Variants in TULP4 observed in about 807,000 individuals in gnomAD.
The protein encoded by TULP4 is TUB like protein 4.
TULP4 carries 16 observed loss-of-function variants against 129.0 expected under a neutral mutation model. The observed-to-expected ratio is 0.12, with a 90% CI of 0.08 to 0.19. The LOEUF is 0.19. TULP4 is among the 10% of genes least tolerant of loss of function. TULP4 has a pLI of 1.00. For synonymous variants in TULP4, 998 were observed against 854.0 expected (o/e 1.17, Z -2.94); for missense variants, 1,842 against 2,059.1 (o/e 0.89, Z 2.04).
intron 1 of TULP4, among the ~76,000 whole-genome samples, chr6:158,365,292 G>A (rs1411492292): frequency 1.3e-5 from 2 of 151,212 alleles, no homozygotes; most frequent in Admixed American, 6.6e-5. Flanking sequence ...TAATTCTCTC[G>A]TTTACTGTGC....
intron 1 of TULP4, among the ~76,000 whole-genome samples, chr6:158,365,508 G>A (rs888209058): frequency 2.2e-4 from 28 of 129,238 alleles, no homozygotes; most frequent in Admixed American, 4.4e-4. Context: ...ACAGAGTCTT[G>A]CTCTGTTGCC....
intron 1 of TULP4, among the ~76,000 whole-genome samples, chr6:158,273,015 C>G (rs1438764464): frequency 2.6e-5 from 4 of 152,064 alleles, no homozygotes; most frequent in African/African-American, 9.7e-5. Context: ...AAGTGAAGGC[C>G]CTTGTTGAGG....
At position 158,489,729 on chromosome 6, in the gene TULP4, C is replaced by T. The variant is rs1161215196; in HGVS notation, c.1628C>T (p.Pro543Leu). 2 of 1,614,100 alleles carry T rather than the reference C, an allele frequency of 1.2e-6. No homozygotes were observed. The highest frequency in any genetic ancestry group is 3.3e-5 in the Admixed American group (2 of 60,000). ...ISRASKSPKLPRISIEARKSP... is the reference protein window; with the variant it reads ...ISRASKSPKLLRISIEARKSP... ...AGAGCTAGCAAATCACCCAAACTCC[C>T]AAGGTAATCTCAGTCTTTGGGGAGA... The change falls in exon 9 of 14, where the codon CCA becomes CTA. Residue 543 changes from proline (P) to leucine (L), a missense_variant. Coordinates refer to ENST00000367097, the MANE Select transcript of TULP4 (RefSeq NM_020245.5).
At chr6:158,442,667 T>G (rs1036702073) in intron 3 of TULP4, among the ~76,000 whole-genome samples, 3 of 152,134 alleles carry the variant, frequency 2.0e-5, no homozygotes, top group Non-Finnish European at 4.4e-5. Context: ...AAATGTATTT[T>G]TAATGGTATA....
chr6:158,504,340 CTG>C (rs1168787061), intron 13 of TULP4, among the ~76,000 whole-genome samples, 162 bp downstream of exon 13: 1 of 149,610 alleles, frequency 6.7e-6, no homozygotes, highest in Non-Finnish European at 1.5e-5. Flanking sequence ...GTGCCCACTG[CTG>C]TCTTGTATTT....
In TULP4 at chr6:158,368,688, C is replaced by G. The variant is rs1383542121; in HGVS notation, c.253-44377C>G. ...AAAAGAGGAATGGATCCTCACAGAT[C>G]CATCCCAGTTATGAAAGCAATTTCA... is the stretch of plus-strand genomic sequence containing the variant. On this transcript the variant is annotated intron_variant, in intron 1 of 13. Transcript: ENST00000367097. Among the ~76,000 whole-genome samples, 3 of 152,152 alleles carry G rather than the reference C, an allele frequency of 2.0e-5. No individual in the cohort carries two copies. The East Asian group carries it at 5.8e-4, about 29-fold the overall frequency.
intron 11 of TULP4, among the ~76,000 whole-genome samples, chr6:158,495,519 A>C (rs1263851096): frequency 1.3e-5 from 2 of 152,220 alleles, no homozygotes; most frequent in African/African-American, 2.4e-5. Flanking sequence ...CTCCTGAAGA[A>C]AGTGGAGAAG....
In TULP4 at chr6:158,502,287, C is replaced by T. The variant is rs753648417; in HGVS notation, c.2624C>T (p.Thr875Met). ...LKKGDFSLYP[T>M]SVHYQTPLGY... Reference sequence around the variant, plus strand: ...AAGGGCGACTTCTCCCTCTACCCCACGTCAGTGCACTACCAGACCCCCCTG... The same window carrying T: ...AAGGGCGACTTCTCCCTCTACCCCATGTCAGTGCACTACCAGACCCCCCTG... The change falls in exon 13 of 14, where the codon ACG (threonine) becomes ATG (methionine). Residue 875 changes from threonine to methionine, a missense_variant. Around this residue, in one of 5 missense-constraint regions of TULP4, gnomAD observed 1,089 missense variants for 987.1 expected, o/e 1.10. Coordinates refer to ENST00000367097, the MANE Select transcript of TULP4 (RefSeq NM_020245.5). 107 of 1,612,816 alleles carry T rather than the reference C, an allele frequency of 6.6e-5. No individual in the cohort carries two copies. In the Admixed American group the frequency reaches 8.0e-4, roughly 12 times the overall value.
intron 1 of TULP4, among the ~76,000 whole-genome samples, chr6:158,294,021 T>G (rs1778987938): frequency 6.6e-6 from 1 of 152,092 alleles, no homozygotes; most frequent in Non-Finnish European, 1.5e-5. Flanking sequence ...TCAGTGAATA[T>G]TTGTAGGTTC....
chr6:158,280,938 T>C (rs1026826513), upstream of TULP4, among the ~76,000 whole-genome samples: 18 of 152,170 alleles, frequency 1.2e-4, no homozygotes, highest in African/African-American at 3.4e-4. Context: ...TTAAAAAATA[T>C]TTTATTTAAA....
rs1323591818 is a variant in TULP4, at chr6:158,240,772, C to T, written n.68+8469C>T. On this transcript the variant is annotated intron_variant and non_coding_transcript_variant, in intron 1 of 1. Coordinates refer to the TULP4 transcript ENST00000620026. ...CTGACCCCCCCACCTCCCTCCCGGTCGGCACGGCTGGCCAGGCGGGGGGCT... is the reference window on the plus strand; with the variant it reads ...CTGACCCCCCCACCTCCCTCCCGGTTGGCACGGCTGGCCAGGCGGGGGGCT... 2.8e-4 allele frequency among the ~76,000 whole-genome samples: 39 copies of T among 141,720 alleles called. 1 individual carries two copies. Among genetic ancestry groups the T allele is most frequent in the Non-Finnish European group, 3.5e-4 (22 of 63,576 alleles). The allele number at this position is 141,720 out of a possible 152,430, so 93.0% of individuals were successfully genotyped here.
At chr6:158,409,949 G>A (rs1003673748) in intron 1 of TULP4, among the ~76,000 whole-genome samples, 7 of 151,910 alleles carry the variant, frequency 4.6e-5, no homozygotes, top group Non-Finnish European at 7.4e-5. Context: ...TCCGCCTCCC[G>A]GGTTGATGCC....
intron 6 of TULP4, among the ~76,000 whole-genome samples, chr6:158,466,417 T>G (rs1044998620): frequency 7.1e-6 from 1 of 141,470 alleles, no homozygotes. Context: ...GGATGTTAGG[T>G]GATATCTCAT....
upstream of TULP4, among the ~76,000 whole-genome samples, chr6:158,309,954 T>A (rs992759535): frequency 1.8e-4 from 24 of 133,564 alleles, no homozygotes; most frequent in African/African-American, 6.7e-4. Context: ...GAGCTCAGTT[T>A]TTATTTTCAA....
chr6:158,244,695 A>G (rs1422183889), intron 1 of TULP4, among the ~76,000 whole-genome samples: 1 of 152,168 alleles, frequency 6.6e-6, no homozygotes, highest in African/African-American at 2.4e-5. Context: ...ACTTCGAGAA[A>G]TAAATTTCTG....
At chr6:158,338,774 G>A (rs532392806) in intron 1 of TULP4, among the ~76,000 whole-genome samples, 2 of 152,312 alleles carry the variant, frequency 1.3e-5, no homozygotes, top group African/African-American at 4.8e-5. Flanking sequence ...GTAGTTACAG[G>A]TAAAGAGGGT....
chr6:158,385,734 T>C (rs980642666), intron 1 of TULP4, among the ~76,000 whole-genome samples: 2 of 149,960 alleles, frequency 1.3e-5, no homozygotes, highest in Middle Eastern at 3.5e-3. Flanking sequence ...TTTTTTTTTT[T>C]TAAGTTCCTT....
At chr6:158,279,404 A>G (rs755714720), upstream of TULP4, among the ~76,000 whole-genome samples, 64 of 152,236 alleles carry the variant, frequency 4.2e-4, no homozygotes, top group Admixed American at 9.2e-4. Flanking sequence ...CAAGTATGAT[A>G]GAATGAAAAT....
chr6:158,246,023 G>GGT (rs66690741), intron 1 of TULP4, among the ~76,000 whole-genome samples: 14,167 of 145,754 alleles, frequency 0.097, 736 homozygotes, highest in African/African-American at 0.14. Flanking sequence ...ACCCCTTAGG[G>GGT]GTGTGTGTGT....
Sources: allele counts gnomAD v4.1 joint callset (sites outside exome capture counted in the v4.1 genomes callset), GRCh38; gene constraint gnomAD v4.1.1; regional missense constraint gnomAD v4.1.1; transcripts MANE v1.5; gene names NCBI Gene and HGNC (gene_info 2026-07-23, HGNC 2026-07-21).